Variants in SEMA5A observed in about 807,000 individuals in gnomAD.
SEMA5A encodes semaphorin-5A.
A neutral mutation model predicts 135.5 loss-of-function variants in SEMA5A; 55 were observed. The observed-to-expected ratio is 0.41, with a 90% CI of 0.33 to 0.51. The LOEUF is 0.51. Among genes scored for constraint, SEMA5A ranks in the 20% least tolerant of loss-of-function variants. SEMA5A has a pLI of 0.37. For missense variants in SEMA5A, 1,290 were observed against 1,419.9 expected, an observed-to-expected ratio of 0.91 and a Z score of 1.47; for synonymous variants, 580 against 546.5, an observed-to-expected ratio of 1.06 and a Z score of -0.85.
chr5:9,177,865 A>T (rs1439971001), intron 11 of SEMA5A, among the ~76,000 whole-genome samples: 1 of 152,266 alleles, frequency 6.6e-6, no homozygotes, highest in East Asian at 1.9e-4. Context: ...ACCATCCAAC[A>T]GATGAAATGG....
intron 1 of SEMA5A, among the ~76,000 whole-genome samples, chr5:9,538,367 A>G (rs939854642): frequency 2.0e-5 from 3 of 152,106 alleles, no homozygotes; most frequent in Non-Finnish European, 4.4e-5. Flanking sequence ...TCTGGCTGTT[A>G]GAAGTTACCT....
At chr5:9,435,173 C>T (rs1020941406) in intron 2 of SEMA5A, among the ~76,000 whole-genome samples, 26 of 152,080 alleles carry the variant, frequency 1.7e-4, no homozygotes, top group African/African-American at 5.6e-4. Flanking sequence ...GAGACCAGAC[C>T]AGAACATTCT....
chr5:9,143,184 TG>T (rs2150234043), intron 12 of SEMA5A, among the ~76,000 whole-genome samples: 1 of 152,322 alleles, frequency 6.6e-6, no homozygotes, highest in Admixed American at 6.5e-5. Context: ...TTTTTTGAGA[TG>T]GAGATGCATA....
At chr5:9,345,367 C>T (rs951745284) in intron 3 of SEMA5A, among the ~76,000 whole-genome samples, 1 of 152,142 alleles carries the variant, frequency 6.6e-6, no homozygotes, top group Non-Finnish European at 1.5e-5. Context: ...CACCACCTGC[C>T]CTGGCAGCCT....
At chr5:9,504,234 AAAAAAC>A (rs1735751682) in intron 1 of SEMA5A, among the ~76,000 whole-genome samples, 3 of 151,618 alleles carry the variant, frequency 2.0e-5, no homozygotes, top group African/African-American at 7.2e-5. Flanking sequence ...GAAAAAAAAA[AAAAAAC>A]AAAAGAAAAG....
intron 16 of SEMA5A, among the ~76,000 whole-genome samples, chr5:9,076,818 C>G (rs17308490): frequency 0.035 from 5,355 of 152,004 alleles, 139 homozygotes; most frequent in Middle Eastern, 0.085. Flanking sequence ...CAAAATGACA[C>G]TGTTATCTAC....
intron 2 of SEMA5A, among the ~76,000 whole-genome samples, chr5:9,384,639 G>C (rs62342040): frequency 0.23 from 21,437 of 93,816 alleles, 3,554 homozygotes; most frequent in Middle Eastern, 0.32. Flanking sequence ...TAGATAGATA[G>C]ATAGATAGAT....
At chr5:9,326,598 G>T (rs1561149624) in intron 4 of SEMA5A, among the ~76,000 whole-genome samples, 1 of 152,072 alleles carries the variant, frequency 6.6e-6, no homozygotes, top group Non-Finnish European at 1.5e-5. Flanking sequence ...TGGCCAACAT[G>T]GCGGGAACCT....
intron 16 of SEMA5A, among the ~76,000 whole-genome samples, chr5:9,091,470 C>T (rs755004796): frequency 1.3e-5 from 2 of 152,024 alleles, no homozygotes; most frequent in South Asian, 2.1e-4. Context: ...TATGTGCACC[C>T]GAGGAGAAGC....
chr5:9,384,677 T>G lies in SEMA5A; in HGVS notation c.-77-4654A>C, dbSNP rs866907893. On this transcript the variant is annotated intron_variant, in intron 2 of 22. Transcript: ENST00000382496. ...ATAGATAGATATAGATAGATAGATA[T>G]AGATAGATAGATAGATAGATAGATA... Among the ~76,000 whole-genome samples, 666 of 85,430 alleles carry G rather than the reference T, an allele frequency of 7.8e-3. 35 individuals are homozygous for G. Among genetic ancestry groups the G allele is most frequent in the African/African-American group, 0.013 (193 of 15,242 alleles). 56.0% of individuals were successfully genotyped at this position (85,430 alleles called of 152,430 possible).
chr5:9,137,626 G>A (rs1299196546), intron 12 of SEMA5A, among the ~76,000 whole-genome samples: 1 of 152,160 alleles, frequency 6.6e-6, no homozygotes, highest in Non-Finnish European at 1.5e-5. Flanking sequence ...CAGCATGGAG[G>A]TGCCAATGAC....
At chr5:9,154,069 A>G (rs1323333270) in intron 12 of SEMA5A, among the ~76,000 whole-genome samples, 1 of 31,974 alleles carries the variant, frequency 3.1e-5, no homozygotes, top group Admixed American at 3.9e-4. Flanking sequence ...AAAAATATAT[A>G]TATATATATA....
At chr5:9,061,016 T>C (rs553777196) in intron 18 of SEMA5A, among the ~76,000 whole-genome samples, 3 of 151,848 alleles carry the variant, frequency 2.0e-5, no homozygotes, top group Non-Finnish European at 1.5e-5. Context: ...TTTCTGTCCC[T>C]CGAGACCCAG....
At chr5:9,162,585 T>TATATATATATATATAC (rs370982773) in intron 11 of SEMA5A, among the ~76,000 whole-genome samples, 7 of 112,058 alleles carry the variant, frequency 6.2e-5, no homozygotes, top group East Asian at 6.2e-4. Context: ...TATATATATA[T>TATATATATATATATAC]ACACACACAC....
intron 2 of SEMA5A, among the ~76,000 whole-genome samples, chr5:9,402,860 A>G (rs761366993): frequency 5.9e-5 from 9 of 152,044 alleles, no homozygotes; most frequent in Admixed American, 4.6e-4. Context: ...TCTCTCATGT[A>G]TCCTCAACAT....
At chr5:9,507,303 G>C (rs1735943985) in intron 1 of SEMA5A, among the ~76,000 whole-genome samples, 1 of 152,186 alleles carries the variant, frequency 6.6e-6, no homozygotes, top group East Asian at 1.9e-4. Context: ...ATGTTAACTA[G>C]TTCCTCAGAG....
chr5:9,076,164 C>G (rs531408625), intron 16 of SEMA5A, among the ~76,000 whole-genome samples: 1 of 148,168 alleles, frequency 6.7e-6, no homozygotes, highest in African/African-American at 2.5e-5. Context: ...GAGATCGCAC[C>G]ACTGCACTCC....
intron 1 of SEMA5A, among the ~76,000 whole-genome samples, chr5:9,466,644 G>T (rs1406792215): frequency 1.3e-5 from 2 of 152,186 alleles, no homozygotes; most frequent in African/African-American, 4.8e-5. Context: ...TTACCAAAAA[G>T]TCATTAAATG....
chr5:9,371,353 T>A (rs183946790), intron 3 of SEMA5A, among the ~76,000 whole-genome samples: 1 of 152,322 alleles, frequency 6.6e-6, no homozygotes, highest in Admixed American at 6.5e-5. Flanking sequence ...TCAGGTCTCA[T>A]CAGCCAAAGA....
Sources: gnomAD v4.1 joint callset for allele counts (sites outside exome capture counted in the v4.1 genomes callset) on GRCh38, gnomAD v4.1.1 for gene constraint, MANE v1.5 for transcripts, NCBI Gene and HGNC (gene_info 2026-07-23, HGNC 2026-07-21) for gene names.